The following FOXJ3 variants were observed in gnomAD, a reference collection of about 807,000 sequenced individuals.
The protein encoded by FOXJ3 is forkhead box protein J3.
A neutral mutation model predicts 76.1 loss-of-function variants in FOXJ3; 22 were observed. That is an observed-to-expected ratio of 0.29 (90% CI 0.21 to 0.41). FOXJ3 has a LOEUF of 0.41. Among genes scored for constraint, FOXJ3 ranks in the 10% least tolerant of loss-of-function variants. The pLI, the probability that FOXJ3 is intolerant of heterozygous loss-of-function variation, is 1.00. For missense variants in FOXJ3, 613 were observed against 762.1 expected, an observed-to-expected ratio of 0.80 and a Z score of 2.30; for synonymous variants, 269 against 261.2, an observed-to-expected ratio of 1.03 and a Z score of -0.29.
At chr1:42,262,897 G>A (rs1296895218) in intron 4 of FOXJ3, among the ~76,000 whole-genome samples, 1 of 151,918 alleles carries the variant, frequency 6.6e-6, no homozygotes, top group East Asian at 1.9e-4. Flanking sequence ...CTCACTTTGA[G>A]ACTGAAAAGA....
intron 2 of FOXJ3, among the ~76,000 whole-genome samples, chr1:42,305,236 C>T (rs544088617): frequency 1.9e-4 from 29 of 152,166 alleles, no homozygotes; most frequent in African/African-American, 6.3e-4. Flanking sequence ...AAAAGACAGG[C>T]AATAACAAAT....
intron 8 of FOXJ3, among the ~76,000 whole-genome samples, chr1:42,193,533 G>A (rs1182032020): frequency 6.6e-6 from 1 of 151,072 alleles, no homozygotes. Context: ...TCTTCCATTA[G>A]TTCTTTTTAT....
intron 3 of FOXJ3, among the ~76,000 whole-genome samples, chr1:42,275,621 C>T (rs188791387): frequency 6.6e-6 from 1 of 152,248 alleles, no homozygotes; most frequent in African/African-American, 2.4e-5. Context: ...AGGATCATAC[C>T]ACTGAACTCC....
chr1:42,280,192 C>A (rs1363409259), intron 2 of FOXJ3: 5 of 358,728 alleles, frequency 1.4e-5, no homozygotes. Flanking sequence ...TAATATTAGT[C>A]TAGGAGTATC....
chr1:42,182,788 G>A (rs1290990514), intron 11 of FOXJ3, among the ~76,000 whole-genome samples: 2 of 151,662 alleles, frequency 1.3e-5, no homozygotes, highest in East Asian at 3.9e-4. Context: ...ATGAGCCACC[G>A]CACCCAGCCA....
intron 12 of FOXJ3, among the ~76,000 whole-genome samples, chr1:42,180,134 T>C (rs979508663): frequency 6.6e-6 from 1 of 152,184 alleles, no homozygotes; most frequent in African/African-American, 2.4e-5. Context: ...AAAGTGCCAA[T>C]GTAGCCACTG....
At chr1:42,270,486 A>C (rs1192322521) in intron 3 of FOXJ3, among the ~76,000 whole-genome samples, 3 of 152,202 alleles carry the variant, frequency 2.0e-5, no homozygotes, top group Non-Finnish European at 2.9e-5. Flanking sequence ...GAATGTAAAA[A>C]CACTGAGATA....
At position 42,177,925 on chromosome 1, in the gene FOXJ3, G is replaced by T. The variant is rs981778642; in HGVS notation, c.*1785C>A. On this transcript the variant is annotated 3_prime_UTR_variant, in exon 13 of 13. Transcript: ENST00000361346. ...CCAGAGATGCTAAAAAGCAACTAGTGAGCAGTTATTACTCTTTGACTTGAT... is the reference window on the plus strand; with the variant it reads ...CCAGAGATGCTAAAAAGCAACTAGTTAGCAGTTATTACTCTTTGACTTGAT... 1 of 152,470 alleles carries T rather than the reference G, an allele frequency of 6.6e-6. No homozygotes were observed. The highest frequency in any genetic ancestry group is 1.5e-5 in the Non-Finnish European group (1 of 68,024). 9.4% of individuals were successfully genotyped at this position (152,470 alleles called of 1,614,324 possible).
chr1:42,275,796 A>G (rs1273935274), intron 3 of FOXJ3, among the ~76,000 whole-genome samples: 1 of 152,230 alleles, frequency 6.6e-6, no homozygotes, highest in African/African-American at 2.4e-5. Context: ...GGAAGATACA[A>G]TATAGCCCTG....
intron 5 of FOXJ3, among the ~76,000 whole-genome samples, chr1:42,206,564 C>T (rs927437684): frequency 3.9e-5 from 6 of 152,100 alleles, no homozygotes. Context: ...ATAAATCTCT[C>T]TGGTTTAAGC....
In FOXJ3 at chr1:42,230,606, C is replaced by A. The variant is rs571381639; in HGVS notation, c.445-2640G>T. ...TTGACTGTAATCCATCATATGAGGT[C>A]AGGCATGGAATTTTCCACTAGTGGC... On this transcript the variant is annotated intron_variant, in intron 4 of 12. Coordinates refer to ENST00000361346, the MANE Select transcript of FOXJ3 (RefSeq NM_014947.5). Among the ~76,000 whole-genome samples the A allele has an allele frequency of 4.6e-5, 7 of 152,204 alleles. No homozygotes were observed. The East Asian group carries it at 1.4e-3, about 29-fold the overall frequency.
chr1:42,216,537 CTGT>C (rs1647072623), intron 5 of FOXJ3, among the ~76,000 whole-genome samples: 1 of 151,702 alleles, frequency 6.6e-6, no homozygotes, highest in Admixed American at 6.6e-5. Context: ...AAAAAGACTA[CTGT>C]TTTCCTCTTA....
At chr1:42,203,028 A>G (rs1282649676) in intron 6 of FOXJ3, among the ~76,000 whole-genome samples, 1 of 151,834 alleles carries the variant, frequency 6.6e-6, no homozygotes, top group African/African-American at 2.4e-5. Flanking sequence ...GTTTTTCTGA[A>G]TTTTCCACCC....
At chr1:42,243,240 G>A (rs1338901240) in intron 4 of FOXJ3, among the ~76,000 whole-genome samples, 1 of 151,766 alleles carries the variant, frequency 6.6e-6, no homozygotes, top group African/African-American at 2.4e-5. Flanking sequence ...ACACGGAGAA[G>A]TATAAAAACT....
At position 42,216,621 on chromosome 1, in the gene FOXJ3, A is replaced by G. The variant is rs577640882; in HGVS notation, c.529-10758T>C. ...TGTCTTATGAACATCTACAGATGTAACACATATTACAACTATGGGGTATAG... is the reference window on the plus strand; with the variant it reads ...TGTCTTATGAACATCTACAGATGTAGCACATATTACAACTATGGGGTATAG... On this transcript the variant is annotated intron_variant, in intron 5 of 12. Transcript: ENST00000361346. 3.9e-5 allele frequency among the ~76,000 whole-genome samples: 6 copies of G among 152,364 alleles called. No individual in the cohort carries two copies. The South Asian group carries it at 1.2e-3, about 32-fold the overall frequency.
At chr1:42,331,199 T>C (rs535575196) in intron 1 of FOXJ3, among the ~76,000 whole-genome samples, 2 of 152,092 alleles carry the variant, frequency 1.3e-5, no homozygotes, top group Admixed American at 1.3e-4. Flanking sequence ...CTGGCCAACA[T>C]GGTGAAACCT....
At position 42,191,644 on chromosome 1, in the gene FOXJ3, G is replaced by A. The variant is rs143660088; in HGVS notation, c.1010C>T (p.Thr337Ile). Reference protein sequence around the residue: ...SCTYQHSPSSTVSTHPHSNQS... With the variant: ...SCTYQHSPSSIVSTHPHSNQS... ...GTTGCTGTGTGGGTGAGTGCTCACT[G>A]TACTGCTGGGAGAGTGCTGATAGGT... is the stretch of plus-strand genomic sequence containing the variant. The change falls in exon 9 of 13, where the codon ACA becomes ATA. Residue 337 changes from threonine to isoleucine, a missense_variant. Physicochemically the swap from Thr to Ile is moderately conservative, Grantham distance 89. Coordinates refer to ENST00000361346, the MANE Select transcript of FOXJ3 (RefSeq NM_014947.5). 1 of 1,614,022 alleles carries A rather than the reference G, an allele frequency of 6.2e-7. No individual in the cohort carries two copies. The highest frequency in any genetic ancestry group is 1.3e-5 in the African/African-American group (1 of 74,900).
chr1:42,247,204 G>C (rs185965353), intron 4 of FOXJ3, among the ~76,000 whole-genome samples: 80 of 152,070 alleles, frequency 5.3e-4, no homozygotes, highest in Non-Finnish European at 1.0e-4. Context: ...AATACTTAAG[G>C]TGATATATTC....
At position 42,299,471 on chromosome 1, in the gene FOXJ3, C is replaced by T. The variant is rs189094219; in HGVS notation, c.44+11579G>A. Among the ~76,000 whole-genome samples, 3 of 147,210 alleles carry T rather than the reference C, an allele frequency of 2.0e-5. No homozygotes were observed. The East Asian group carries it at 5.9e-4, about 29-fold the overall frequency. On this transcript the variant is annotated intron_variant, in intron 2 of 12. Coordinates refer to ENST00000361346, the MANE Select transcript of FOXJ3 (RefSeq NM_014947.5). The stretch of plus-strand genomic sequence containing the variant: ...TTGCATGATAAATCTTTTTTCACCT[C>T]TTTGAGTCTGTAACTGTCTTTAACC...
Sources: allele counts gnomAD v4.1 joint callset (sites outside exome capture counted in the v4.1 genomes callset), GRCh38; gene constraint gnomAD v4.1.1; transcripts MANE v1.5; gene names NCBI Gene and HGNC (gene_info 2026-07-23, HGNC 2026-07-21).